Variants in CCDC175 observed in about 807,000 individuals in gnomAD.
CCDC175 encodes coiled-coil domain containing 175.
Under a neutral mutation model 114.6 loss-of-function variants are expected in CCDC175, and 100 were observed. That is an observed-to-expected ratio of 0.87 (90% CI 0.74 to 1.03). The LOEUF (loss-of-function observed/expected upper bound fraction) is 1.03. Ranked by LOEUF, CCDC175 falls within the 50% of genes least tolerant of loss-of-function variation. The pLI is 0.00. For synonymous variants in CCDC175, 306 were observed against 308.7 expected, an observed-to-expected ratio of 0.99 and a Z score of 0.09; for missense variants, 880 against 917.8, an observed-to-expected ratio of 0.96 and a Z score of 0.53.
intron 7 of CCDC175, among the ~76,000 whole-genome samples, chr14:59,559,392 T>C (rs1211383268): frequency 6.6e-6 from 1 of 152,172 alleles, no homozygotes; most frequent in Non-Finnish European, 1.5e-5. Context: ...GTTACTCTTA[T>C]TTGTCCAAAC....
At position 59,576,700 on chromosome 14, in the gene CCDC175, G is replaced by C. The variant is rs1344705369; in HGVS notation, c.76C>G (p.Pro26Ala). The C allele has an allele frequency of 8.1e-6, 12 of 1,487,014 alleles. No homozygotes were observed. Among genetic ancestry groups the C allele is most frequent in the Non-Finnish European group, 1.1e-5 (12 of 1,126,276 alleles). The allele number at this position is 1,487,014 out of a possible 1,614,324, so 92.1% of individuals were successfully genotyped here. A position where few individuals can be genotyped will look rare whatever the true frequency, so the allele number is the denominator to read the frequency against. Residue 26 changes from proline (P) to alanine (A), a missense_variant, in exon 1 of 20, where the codon CCC becomes GCC. Pro to Ala is a conservative substitution (Grantham distance 27). Coordinates refer to ENST00000537690, the MANE Select transcript of CCDC175 (RefSeq NM_001164399.2). ...LVQAAAVSTG[P>A]SLELCTLPST... ...GGTAAGGTGCATAACTCCAGGGAGGGGCCAGTGGAGACGGCAGCCGCCTGC... is the reference window on the plus strand; with the variant it reads ...GGTAAGGTGCATAACTCCAGGGAGGCGCCAGTGGAGACGGCAGCCGCCTGC...
intron 16 of CCDC175, among the ~76,000 whole-genome samples, chr14:59,524,872 A>G (rs569089551): frequency 3.3e-5 from 5 of 152,360 alleles, no homozygotes; most frequent in Middle Eastern, 3.4e-3. Flanking sequence ...ACAGTGCAAT[A>G]CTATACAGAA....
intron 7 of CCDC175, among the ~76,000 whole-genome samples, chr14:59,552,333 C>A (rs1895567312): frequency 6.6e-6 from 1 of 152,266 alleles, no homozygotes; most frequent in Admixed American, 6.5e-5. Flanking sequence ...TCTGCAGCCT[C>A]CGCTGCTGAC....
chr14:59,513,886 C>G lies in CCDC175; in HGVS notation c.2099-2083G>C, dbSNP rs112223652. 7.3e-3 allele frequency among the ~76,000 whole-genome samples: 1,117 copies of G among 152,286 alleles called. 14 individuals carry two copies. The highest frequency in any genetic ancestry group is 0.025 in the African/African-American group (1,055 of 41,552). On this transcript the variant is annotated intron_variant, in intron 17 of 19. Transcript: ENST00000537690. ...CTGCCTCCTCAAGCACGTCCTTGAC[C>G]CCCGAGTAGCGTAACTGGGAGGCAC...
At chr14:59,512,381 G>C (rs74482169) in intron 17 of CCDC175, among the ~76,000 whole-genome samples, 2 of 152,092 alleles carry the variant, frequency 1.3e-5, no homozygotes, top group Non-Finnish European at 2.9e-5. Context: ...CCATCTTCCC[G>C]CCCCATAAGT....
intron 8 of CCDC175, among the ~76,000 whole-genome samples, chr14:59,548,431 A>AAATAAGC (rs1251356994): frequency 9.2e-5 from 14 of 152,216 alleles, no homozygotes; most frequent in Non-Finnish European, 1.3e-4. Flanking sequence ...TGAAAATAAT[A>AAATAAGC]AATAAGCAAG....
At chr14:59,549,952 C>A (rs1314898094) in intron 8 of CCDC175, among the ~76,000 whole-genome samples, 1 of 151,906 alleles carries the variant, frequency 6.6e-6, no homozygotes, top group African/African-American at 2.4e-5. Flanking sequence ...TGCTCTGCCC[C>A]CAGGCTGGAG....
chr14:59,545,786 GAA>G (rs1355965976), intron 8 of CCDC175, among the ~76,000 whole-genome samples: 1 of 152,168 alleles, frequency 6.6e-6, no homozygotes, highest in African/African-American at 2.4e-5. Flanking sequence ...AACGAGGTAA[GAA>G]AGTCAAGTTT....
At chr14:59,540,648 CTT>C (rs34112354) in intron 11 of CCDC175, 25 bp downstream of exon 11, 39,192 of 1,062,228 alleles carry the variant, frequency 0.037, no homozygotes, top group Middle Eastern at 0.044. Flanking sequence ...CACAAATAAA[CTT>C]TTTTTTTTTT....
chr14:59,544,524 GCCTCCCCCAT>G (rs1317192466), intron 9 of CCDC175, among the ~76,000 whole-genome samples: 1 of 152,066 alleles, frequency 6.6e-6, no homozygotes, highest in African/African-American at 2.4e-5. Flanking sequence ...ACTGAATTGT[GCCTCCCCCAT>G]CTCCAGAATT....
At position 59,576,804 on chromosome 14, in the gene CCDC175, G is replaced by A. The variant is rs532997838; in HGVS notation, c.-29C>T. On this transcript the variant is annotated 5_prime_UTR_variant, in exon 1 of 20. Coordinates refer to ENST00000537690, the MANE Select transcript of CCDC175 (RefSeq NM_001164399.2). ...GCCGCTCTACTTGAGCGCCTCCTAAGCCAGAGCCAAGGATTGCCGGTTGCC... is the reference window on the plus strand; with the variant it reads ...GCCGCTCTACTTGAGCGCCTCCTAAACCAGAGCCAAGGATTGCCGGTTGCC... The A allele has an allele frequency of 1.4e-5, 19 of 1,404,448 alleles. No homozygotes were observed. Among genetic ancestry groups the A allele is most frequent in the African/African-American group, 1.1e-4 (7 of 66,022 alleles). The allele number at this position is 1,404,448 out of a possible 1,614,324, so 87.0% of individuals were successfully genotyped here. A position where few individuals can be genotyped will look rare whatever the true frequency, so the allele number is the denominator to read the frequency against.
intron 13 of CCDC175, among the ~76,000 whole-genome samples, chr14:59,536,626 G>A (rs574918652): frequency 2.0e-5 from 3 of 151,390 alleles, no homozygotes; most frequent in East Asian, 2.0e-4. Context: ...TTTGTTCCCC[G>A]AGTTGCACCG....
chr14:59,508,399 T>TACACACACACACACACAAACAC (rs1892550719), intron 19 of CCDC175, among the ~76,000 whole-genome samples: 2 of 97,350 alleles, frequency 2.1e-5, no homozygotes, highest in Admixed American at 2.4e-4. Context: ...GTCTCCAAAA[T>TACACACACACACACACAAACAC]ACACACACAC....
At chr14:59,533,192 T>C (rs1411934773) in intron 13 of CCDC175, among the ~76,000 whole-genome samples, 1 of 152,174 alleles carries the variant, frequency 6.6e-6, no homozygotes, top group East Asian at 1.9e-4. Context: ...CTAATATCTC[T>C]TGGACGTATC....
chr14:59,552,086 T>C (rs527323961), intron 7 of CCDC175, among the ~76,000 whole-genome samples: 1 of 152,364 alleles, frequency 6.6e-6, no homozygotes, highest in African/African-American at 2.4e-5. Context: ...TCTGCAGATT[T>C]AAACGTCCAT....
At chr14:59,514,088 G>C (rs575194188) in intron 17 of CCDC175, among the ~76,000 whole-genome samples, 3 of 152,260 alleles carry the variant, frequency 2.0e-5, no homozygotes, top group Non-Finnish European at 2.9e-5. Context: ...AACTCCAACA[G>C]ACCTGCAGCT....
At chr14:59,551,755 C>T (rs990715897) in intron 7 of CCDC175, among the ~76,000 whole-genome samples, 3 of 152,156 alleles carry the variant, frequency 2.0e-5, no homozygotes, top group Admixed American at 6.5e-5. Flanking sequence ...CTGGAAAATC[C>T]GGTCACTCCC....
At position 59,545,226 on chromosome 14, in the gene CCDC175, T is replaced by C. The variant is rs1394052550; in HGVS notation, c.1109A>G (p.Gln370Arg). ...LREKMKTLAR[Q>R]YKIVLSEEEK... ...TTCCTCACTTAAAACAATCTTATAT[T>C]GTCTGGCAAGAGTTTTCATTTTCTC... is the stretch of plus-strand genomic sequence containing the variant. Residue 370 changes from glutamine to arginine, a missense_variant, in exon 9 of 20, where the codon CAA (glutamine) becomes CGA (arginine). Gln to Arg is a conservative substitution (Grantham distance 43). Transcript: ENST00000537690. The C allele has an allele frequency of 6.5e-7, 1 of 1,536,978 alleles. No individual in the cohort carries two copies. Among genetic ancestry groups the C allele is most frequent in the Admixed American group, 2.0e-5 (1 of 50,992 alleles).
intron 11 of CCDC175, 96 bp from the exon 12 acceptor site, chr14:59,538,936 A>G: frequency 8.7e-7 from 1 of 1,147,262 alleles, no homozygotes; most frequent in South Asian, 1.6e-5. Context: ...TACTATGACT[A>G]CACAAAATTG....
Sources: gnomAD v4.1 joint callset for allele counts (sites outside exome capture counted in the v4.1 genomes callset) on GRCh38, gnomAD v4.1.1 for gene constraint, MANE v1.5 for transcripts, NCBI Gene and HGNC (gene_info 2026-07-23, HGNC 2026-07-21) for gene names.